Variants in AOX1 observed in about 807,000 individuals in gnomAD.
The protein encoded by AOX1 is aldehyde oxidase.
AOX1 carries 153 observed loss-of-function variants against 169.5 expected under a neutral mutation model. The observed-to-expected ratio is 0.90, with a 90% confidence interval of 0.79 to 1.03. The LOEUF is 1.03. AOX1 is among the 50% of genes least tolerant of loss of function. The pLI is 0.00. For synonymous variants in AOX1, 562 were observed against 581.9 expected, an observed-to-expected ratio of 0.97 and a Z score of 0.49; for missense variants, 1,656 against 1,663.9, an observed-to-expected ratio of 1.00 and a Z score of 0.08.
rs189563694 is a variant in AOX1, at chr2:200,639,955, T to G, written c.2569-1143T>G. ...GGGAGGCTGAGGCAGGAGAATCGCT[T>G]GAACCTGGGAGGCAGAGGTTGCAGT... On this transcript the variant is annotated intron_variant, in intron 23 of 34. Transcript: ENST00000374700. 2.2e-3 allele frequency among the ~76,000 whole-genome samples: 330 copies of G among 150,506 alleles called. 2 individuals are homozygous for G. Among genetic ancestry groups the G allele is most frequent in the African/African-American group, 7.7e-3 (316 of 40,796 alleles).
chr2:200,637,493 A>G (rs528421785), intron 22 of AOX1, among the ~76,000 whole-genome samples: 100 of 152,272 alleles, frequency 6.6e-4, no homozygotes, highest in African/African-American at 2.2e-3. Context: ...GTGTGTATAT[A>G]TGTACATTCT....
intron 32 of AOX1, 44 bp downstream of exon 32, chr2:200,666,796 A>G (rs759301848): frequency 6.9e-7 from 1 of 1,450,568 alleles, no homozygotes; most frequent in Non-Finnish European, 9.6e-7. Flanking sequence ...GTAAAAGCCA[A>G]AAGTGCGGTG....
intron 1 of AOX1, 22 bp downstream of exon 1, chr2:200,586,175 C>G (rs1262680889): frequency 1.3e-6 from 2 of 1,550,430 alleles, no homozygotes; most frequent in African/African-American, 2.7e-5. Flanking sequence ...CGGGCTTCCT[C>G]TGCCCCCAGA....
At chr2:200,639,126 G>T (rs1357621008) in intron 23 of AOX1, among the ~76,000 whole-genome samples, 2 of 152,234 alleles carry the variant, frequency 1.3e-5, no homozygotes. Flanking sequence ...CAAGTGCTCA[G>T]TAGGCACATG....
At position 200,604,153 on chromosome 2, in the gene AOX1, AG is replaced by A. The variant is rs1489726465; in HGVS notation, c.669+59del. 3.0e-6 allele frequency: 4 copies of A among 1,333,478 alleles called. No homozygotes were observed. In the African/African-American group the frequency reaches 5.8e-5, roughly 19 times the overall value. 82.6% of individuals were successfully genotyped at this position (1,333,478 alleles called of 1,614,324 possible). ...AAGAATTCATGGTGAAATATCAGGA[AG>A]GGTATTTGTTTATGGGTTCTCTCAA... On this transcript the variant is annotated intron_variant, in intron 8 of 34. Transcript: ENST00000374700.
At chr2:200,635,718 G>T (rs1180413643) in intron 21 of AOX1, among the ~76,000 whole-genome samples, 3 of 152,202 alleles carry the variant, frequency 2.0e-5, no homozygotes, top group African/African-American at 7.2e-5. Context: ...ATAGCACAAT[G>T]ACCGCCCCAG....
downstream of AOX1, among the ~76,000 whole-genome samples, chr2:200,681,138 C>T (rs1201388418): frequency 6.6e-6 from 1 of 152,196 alleles, no homozygotes; most frequent in Non-Finnish European, 1.5e-5. Context: ...TGAAGTGATG[C>T]ACTAGGCTGA....
rs777652322 is a variant in AOX1, at chr2:200,611,479, C to T, written c.1249C>T (p.Pro417Ser). Residue 417 changes from proline (P) to serine (S), a missense_variant, in exon 13 of 35, where the codon CCC (proline) becomes TCC (serine). Pro to Ser is a moderately conservative substitution (Grantham distance 74, BLOSUM62 -1). Transcript: ENST00000374700. ...PQEILVSVNI[P>S]YSRKWEFVSA... ...AGAAATCTTGGTCTCAGTGAACATC[C>T]CCTACTCAAGGAAGGTGAGAACATC... 2.5e-6 allele frequency: 4 copies of T among 1,610,132 alleles called. No individual in the cohort carries two copies. The highest frequency in any genetic ancestry group is 3.4e-6 in the Non-Finnish European group (4 of 1,176,484).
rs1311990532 is a variant in AOX1 at position 200,656,912 on chromosome 2, A to AG, written c.3151dup (p.Val1051GlyfsTer4). On this transcript the variant is annotated frameshift_variant, in exon 27 of 35. Coordinates refer to ENST00000374700, the MANE Select transcript of AOX1 (RefSeq NM_001159.4). LOFTEE classifies it high-confidence loss of function. The stretch of plus-strand genomic sequence containing the variant: ...ACTCACGGTGGAATTGAAATGGGGC[A>AG]GGGGGTCCACACTAAAATGATTCAG... The AG allele has an allele frequency of 4.4e-6, 7 of 1,584,264 alleles. No homozygotes were observed. Among genetic ancestry groups the AG allele is most frequent in the South Asian group, 1.2e-5 (1 of 84,752 alleles).
intron 21 of AOX1, among the ~76,000 whole-genome samples, chr2:200,635,665 C>T (rs1331010179): frequency 1.3e-5 from 2 of 152,128 alleles, no homozygotes; most frequent in East Asian, 1.9e-4. Context: ...CATTTGTTGC[C>T]TGTGTCCTGT....
At chr2:200,677,793 G>T (rs1249633263), downstream of AOX1, among the ~76,000 whole-genome samples, 1 of 152,172 alleles carries the variant, frequency 6.6e-6, no homozygotes, top group African/African-American at 2.4e-5. Context: ...CGTGCCTGAT[G>T]TGCAGCCCAA....
At chr2:200,624,081 T>C in intron 19 of AOX1, 98 bp downstream of exon 19, 2 of 1,500,778 alleles carry the variant, frequency 1.3e-6, no homozygotes, top group Admixed American at 3.4e-5. Flanking sequence ...TGGCTCAAAG[T>C]GGCCTCCAAA....
In AOX1 at chr2:200,621,166, A is replaced by C. The variant is rs2034879572; in HGVS notation, c.1921A>C (p.Ile641Leu). Residue 641 changes from isoleucine (I) to leucine (L), a missense_variant, in exon 18 of 35, where the codon ATC (isoleucine) becomes CTC (leucine). By Grantham distance (5) the Ile-to-Leu change is conservative. Transcript: ENST00000374700. ...EALSMPGVVDIMTAEHLSDVN... is the reference protein window; with the variant it reads ...EALSMPGVVDLMTAEHLSDVN... ...TCTCAGCATGCCCGGTGTGGTGGACATCATGACAGCAGAACATCTTAGTGA... is the reference window on the plus strand; with the variant it reads ...TCTCAGCATGCCCGGTGTGGTGGACCTCATGACAGCAGAACATCTTAGTGA... 1 of 1,614,080 alleles carries C rather than the reference A, an allele frequency of 6.2e-7. No individual in the cohort carries two copies. The highest frequency in any genetic ancestry group is 1.7e-5 in the Admixed American group (1 of 60,000).
chr2:200,604,894 A>C, intron 9 of AOX1, 54 bp downstream of exon 9: 1 of 622,932 alleles, frequency 1.6e-6, no homozygotes, highest in Non-Finnish European at 3.0e-6. Context: ...AGGGCTTGGG[A>C]TGGGGCCGGG....
intron 16 of AOX1, among the ~76,000 whole-genome samples, chr2:200,619,695 G>C (rs1049373443): frequency 6.6e-5 from 10 of 152,186 alleles, no homozygotes; most frequent in Non-Finnish European, 1.2e-4. Flanking sequence ...CCAACAGCAA[G>C]ATATTCTGCT....
At chr2:200,674,995 A>G (rs2036076785), downstream of AOX1, among the ~76,000 whole-genome samples, 1 of 152,240 alleles carries the variant, frequency 6.6e-6, no homozygotes, top group African/African-American at 2.4e-5. Context: ...ACAGCAAAGT[A>G]AGGGGATCTG....
intron 16 of AOX1, among the ~76,000 whole-genome samples, chr2:200,619,838 T>C (rs1272405289): frequency 6.6e-6 from 1 of 152,010 alleles, no homozygotes; most frequent in Non-Finnish European, 1.5e-5. Context: ...TCACTCAAAA[T>C]TGAAAAAAAG....
At chr2:200,632,902 C>CTTTTT (rs1292199790) in intron 20 of AOX1, among the ~76,000 whole-genome samples, 1 of 140,108 alleles carries the variant, frequency 7.1e-6, no homozygotes. Context: ...TTCTTTCTTT[C>CTTTTT]TTTTTTTTTT....
intron 16 of AOX1, among the ~76,000 whole-genome samples, chr2:200,618,799 TCTC>T (rs1364233335): frequency 1.3e-5 from 2 of 152,070 alleles, no homozygotes; most frequent in African/African-American, 4.8e-5. Flanking sequence ...TAACCAGAGG[TCTC>T]CTCCATTTGT....
Sources: gnomAD v4.1 joint callset for allele counts (sites outside exome capture counted in the v4.1 genomes callset) on GRCh38, gnomAD v4.1.1 for gene constraint, MANE v1.5 for transcripts, NCBI Gene and HGNC (gene_info 2026-07-23, HGNC 2026-07-21) for gene names.